The following CDH13 variants were observed in gnomAD, a reference collection of about 807,000 sequenced individuals.
The protein encoded by CDH13 is cadherin 13, also known as cadherin-13.
A neutral mutation model predicts 63.8 loss-of-function variants in CDH13; 24 were observed. The ratio of observed to expected loss-of-function variants is 0.38; its 90% CI spans 0.27 to 0.53. The LOEUF is 0.53. Among genes scored for constraint, CDH13 ranks in the 20% least tolerant of loss-of-function variants. The pLI is 0.85. For missense variants in CDH13, 1,049 were observed against 903.1 expected (o/e 1.16, Z -2.07); for synonymous variants, 503 against 355.3 (o/e 1.42, Z -4.67).
chr16:83,606,832 G>A (rs1598360763), intron 8 of CDH13, among the ~76,000 whole-genome samples: 2 of 151,376 alleles, frequency 1.3e-5, no homozygotes, highest in Non-Finnish European at 1.5e-5. Context: ...CCGCCCTCAC[G>A]GCTGCCTTGT....
At chr16:83,090,283 A>G (rs1011263061) in intron 3 of CDH13, among the ~76,000 whole-genome samples, 4 of 152,056 alleles carry the variant, frequency 2.6e-5, no homozygotes, top group Non-Finnish European at 5.9e-5. Context: ...ATGCCAAGCC[A>G]TTCGTTTGTG....
chr16:83,705,351 G>A (rs1389115577), intron 10 of CDH13, among the ~76,000 whole-genome samples: 14 of 152,276 alleles, frequency 9.2e-5, no homozygotes, highest in Non-Finnish European at 1.5e-4. Context: ...GCCCGGGCCC[G>A]GTGGCTCACG....
chr16:82,914,561 C>T (rs562604658), intron 2 of CDH13, among the ~76,000 whole-genome samples: 1 of 152,138 alleles, frequency 6.6e-6, no homozygotes, highest in East Asian at 1.9e-4. Context: ...AAGAGTCTGA[C>T]GTTATCAATC....
rs1396580681 is a variant in CDH13, at chr16:83,580,465, TC to T, written c.961-21988del. On this transcript the variant is annotated intron_variant, in intron 7 of 13. Transcript: ENST00000567109. ...CTGTTCATTTCTCTCTCTCTCTCTC[TC>T]TCTCTCTCTCTCTCTCTCTCTCTCT... is the stretch of plus-strand genomic sequence containing the variant. 4.5e-3 allele frequency among the ~76,000 whole-genome samples: 319 copies of T among 71,566 alleles called. 4 individuals carry two copies. Among genetic ancestry groups the T allele is most frequent in the African/African-American group, 0.019 (301 of 16,060 alleles). The allele number at this position is 71,566 out of a possible 152,430, so 47.0% of individuals were successfully genotyped here.
chr16:83,013,786 G>A (rs1400901089), intron 2 of CDH13, among the ~76,000 whole-genome samples: 5 of 152,170 alleles, frequency 3.3e-5, no homozygotes, highest in African/African-American at 1.2e-4. Flanking sequence ...AGATACAAGG[G>A]TTGCTGGGAT....
chr16:83,623,651 A>T (rs187356403), intron 8 of CDH13, among the ~76,000 whole-genome samples: 1 of 152,200 alleles, frequency 6.6e-6, no homozygotes, highest in South Asian at 2.1e-4. Flanking sequence ...GTAAATCCAT[A>T]TATCAGAGCC....
At chr16:83,073,755 G>T (rs1435533863) in intron 3 of CDH13, among the ~76,000 whole-genome samples, 1 of 151,702 alleles carries the variant, frequency 6.6e-6, no homozygotes, top group South Asian at 2.1e-4. Flanking sequence ...AGTATAACAT[G>T]ATATATGTGC....
chr16:83,124,024 T>C (rs1419493067), intron 3 of CDH13, among the ~76,000 whole-genome samples: 1 of 152,172 alleles, frequency 6.6e-6, no homozygotes, highest in African/African-American at 2.4e-5. Flanking sequence ...TGTCTGTTCA[T>C]GTTGTTTGCC....
intron 3 of CDH13, among the ~76,000 whole-genome samples, chr16:83,054,594 A>T (rs1339395100): frequency 6.6e-6 from 1 of 152,218 alleles, no homozygotes; most frequent in African/African-American, 2.4e-5. Context: ...TTCTTTCTGA[A>T]GTTTTCCATG....
chr16:82,907,885 A>C (rs553151472), intron 2 of CDH13, among the ~76,000 whole-genome samples: 1 of 152,300 alleles, frequency 6.6e-6, no homozygotes, highest in Non-Finnish European at 1.5e-5. Context: ...TTGAATGCAA[A>C]CCATGGGCTG....
At chr16:82,955,884 A>G (rs1179592688) in intron 2 of CDH13, among the ~76,000 whole-genome samples, 2 of 152,198 alleles carry the variant, frequency 1.3e-5, no homozygotes, top group Non-Finnish European at 2.9e-5. Context: ...GAGACAAAGA[A>G]TGCCTTAGGT....
rs575845855 is a variant in CDH13, at chr16:83,671,036, C to A, written c.1284+64C>A. ...GCACGGAGGGCCCCATGAGGCAGCT[C>A]ATAGAATCATTGAGTTTAGAAGGCC... On this transcript the variant is annotated intron_variant, in intron 9 of 13. Coordinates refer to ENST00000567109, the MANE Select transcript of CDH13 (RefSeq NM_001257.5). 17 of 1,372,358 alleles carry A rather than the reference C, an allele frequency of 1.2e-5. No homozygotes were observed. The African/African-American group carries it at 2.0e-4, about 16-fold the overall frequency. The allele number at this position is 1,372,358 out of a possible 1,614,324, so 85.0% of individuals were successfully genotyped here.
In CDH13 at chr16:83,030,422, G is replaced by A. The variant is rs571014669; in HGVS notation, c.158-1588G>A. Among the ~76,000 whole-genome samples, 3 of 151,986 alleles carry A rather than the reference G, an allele frequency of 2.0e-5. No homozygotes were observed. The East Asian group carries it at 5.8e-4, about 30-fold the overall frequency. ...GCCTGTAATCCCAGTTCTTTGGGAG[G>A]CCTGAGGTCGGGAGTTCGAGACCAG... On this transcript the variant is annotated intron_variant, in intron 2 of 13. Coordinates refer to ENST00000567109, the MANE Select transcript of CDH13 (RefSeq NM_001257.5).
rs12599735 is a variant in CDH13, at chr16:83,536,141, A to G, written c.960+49486A>G. ...GAGGCATTGAGAAATCCTTTCCGTA[A>G]TATCCACTGAGTATATACTGTGAGC... On this transcript the variant is annotated intron_variant, in intron 7 of 13. Coordinates refer to ENST00000567109, the MANE Select transcript of CDH13 (RefSeq NM_001257.5). 2.1e-3 allele frequency among the ~76,000 whole-genome samples: 320 copies of G among 152,296 alleles called. 3 individuals are homozygous for G. The East Asian group carries it at 0.044, about 21-fold the overall frequency.
At chr16:82,906,718 G>A (rs1467519616) in intron 2 of CDH13, among the ~76,000 whole-genome samples, 3 of 152,100 alleles carry the variant, frequency 2.0e-5, no homozygotes, top group African/African-American at 4.8e-5. Flanking sequence ...CATGGTTTCG[G>A]CAGGGCTGTA....
At chr16:82,987,464 C>T (rs1391925020) in intron 2 of CDH13, among the ~76,000 whole-genome samples, 1 of 152,134 alleles carries the variant, frequency 6.6e-6, no homozygotes, top group African/African-American at 2.4e-5. Context: ...GCAACCTCCT[C>T]CTTCTAGGTT....
At chr16:83,290,900 G>A (rs1191371439) in intron 5 of CDH13, among the ~76,000 whole-genome samples, 3 of 151,994 alleles carry the variant, frequency 2.0e-5, no homozygotes, top group Non-Finnish European at 2.9e-5. Context: ...CCATCTCTAC[G>A]CAGGGAACAT....
chr16:82,893,490 T>A (rs1379738396), intron 2 of CDH13, among the ~76,000 whole-genome samples: 1 of 152,262 alleles, frequency 6.6e-6, no homozygotes, highest in East Asian at 1.9e-4. Context: ...TATTATAAAG[T>A]GTTAATTTTT....
At chr16:83,196,533 A>G (rs964847154) in intron 4 of CDH13, among the ~76,000 whole-genome samples, 1 of 152,208 alleles carries the variant, frequency 6.6e-6, no homozygotes, top group Non-Finnish European at 1.5e-5. Flanking sequence ...TACAAACCAC[A>G]TATCTGAAAA....
Sources: allele counts gnomAD v4.1 joint callset (sites outside exome capture counted in the v4.1 genomes callset), GRCh38; gene constraint gnomAD v4.1.1; transcripts MANE v1.5; gene names NCBI Gene and HGNC (gene_info 2026-07-23, HGNC 2026-07-21).